WDPCP: variants seen among roughly 807,000 people sequenced by gnomAD.
WDPCP encodes WD repeat-containing and planar cell polarity effector protein fritz homolog.
Under a neutral mutation model 93.1 loss-of-function variants are expected in WDPCP, and 71 were observed. The ratio of observed to expected loss-of-function variants is 0.76; its 90% CI spans 0.63 to 0.93. WDPCP has a LOEUF of 0.93. Among genes scored for constraint, WDPCP ranks in the 40% least tolerant of loss-of-function variants. WDPCP has a pLI of 0.00. For missense variants in WDPCP, 844 were observed against 887.4 expected (o/e 0.95, Z 0.62); for synonymous variants, 315 against 315.0 (o/e 1.00, Z 0.00).
chr2:63,786,804 G>C (rs1670471817), intron 2 of WDPCP, among the ~76,000 whole-genome samples: 1 of 152,094 alleles, frequency 6.6e-6, no homozygotes, highest in Non-Finnish European at 1.5e-5. Context: ...ACTCTCAAGA[G>C]ATATAAAATT....
chr2:63,592,934 C>T (rs1709227291), upstream of WDPCP, among the ~76,000 whole-genome samples: 1 of 151,680 alleles, frequency 6.6e-6, no homozygotes, highest in South Asian at 2.1e-4. Context: ...ACCTACTCTA[C>T]TTCAAGGAAA....
chr2:63,491,873 A>T (rs1463442181), intron 2 of WDPCP, among the ~76,000 whole-genome samples: 1 of 152,070 alleles, frequency 6.6e-6, no homozygotes, highest in African/African-American at 2.4e-5. Context: ...ATTTATATTC[A>T]GGTTTTTCAT....
intron 1 of WDPCP, among the ~76,000 whole-genome samples, chr2:63,568,201 A>T (rs1707217981): frequency 6.6e-6 from 1 of 152,234 alleles, no homozygotes. Flanking sequence ...CAAACATGAG[A>T]GAGCTGGGAA....
chr2:63,120,776 C>T lies in WDPCP; in HGVS notation c.*1230G>A, dbSNP rs1669507457. ...GTCTCCATCTCCTGACCTCGTGATT[C>T]GCCCGCCTTGGCCTCCCAAAGTGCT... On this transcript the variant is annotated 3_prime_UTR_variant, in exon 18 of 18. Transcript: ENST00000272321. 6.6e-6 allele frequency among the ~76,000 whole-genome samples: 1 copy of T among 151,422 alleles called. No homozygotes were observed. Among genetic ancestry groups the T allele is most frequent in the East Asian group, 1.9e-4 (1 of 5,162 alleles).
chr2:63,137,702 T>G (rs754614305), intron 17 of WDPCP, among the ~76,000 whole-genome samples: 1 of 152,182 alleles, frequency 6.6e-6, no homozygotes, highest in African/African-American at 2.4e-5. Context: ...TACATTTAAG[T>G]CTTTAATCCA....
chr2:63,794,144 GCTCT>G (rs1326959700), intron 2 of WDPCP, among the ~76,000 whole-genome samples: 2 of 152,046 alleles, frequency 1.3e-5, no homozygotes, highest in African/African-American at 4.8e-5. Context: ...ATTCTGAATT[GCTCT>G]CTTTCATGTT....
chr2:63,342,975 A>G (rs1688950566), intron 12 of WDPCP, among the ~76,000 whole-genome samples: 1 of 151,900 alleles, frequency 6.6e-6, no homozygotes, highest in Non-Finnish European at 1.5e-5. Flanking sequence ...CATTTTTAAG[A>G]GATAATTTTG....
chr2:63,273,194 A>G (rs1195919189), intron 13 of WDPCP, among the ~76,000 whole-genome samples: 1 of 152,182 alleles, frequency 6.6e-6, no homozygotes, highest in African/African-American at 2.4e-5. Flanking sequence ...CAGATAAGCA[A>G]AAACTGAGGG....
chr2:63,658,053 A>AT (rs1022288631), intron 2 of WDPCP, among the ~76,000 whole-genome samples: 6 of 151,880 alleles, frequency 4.0e-5, no homozygotes, highest in East Asian at 1.9e-4. Context: ...TTTTAATGGC[A>AT]TTTTTTTTAG....
intron 1 of WDPCP, among the ~76,000 whole-genome samples, chr2:63,521,680 AT>A (rs1167907864): frequency 3.3e-5 from 5 of 152,212 alleles, no homozygotes; most frequent in African/African-American, 4.8e-5. Context: ...AAGGGACCTA[AT>A]AGACATCTAC....
intron 13 of WDPCP, among the ~76,000 whole-genome samples, chr2:63,277,380 G>A (rs1167225086): frequency 6.6e-6 from 1 of 152,162 alleles, no homozygotes; most frequent in Non-Finnish European, 1.5e-5. Flanking sequence ...ACAGCATGAT[G>A]AATAGAATAG....
intron 2 of WDPCP, among the ~76,000 whole-genome samples, chr2:63,700,397 T>A (rs1669030274): frequency 6.7e-6 from 1 of 149,278 alleles, no homozygotes; most frequent in South Asian, 2.1e-4. Context: ...ATGGAAAAGG[T>A]CAGATACAAG....
chr2:63,138,476 C>T (rs369448717), intron 17 of WDPCP, among the ~76,000 whole-genome samples: 49 of 138,784 alleles, frequency 3.5e-4, no homozygotes, highest in African/African-American at 9.4e-4. Context: ...TTTTTTGAGA[C>T]GGAGTCTCGC....
intron 1 of WDPCP, among the ~76,000 whole-genome samples, chr2:63,502,355 T>C (rs574359060): frequency 7.9e-5 from 12 of 152,312 alleles, no homozygotes; most frequent in Middle Eastern, 3.4e-3. Flanking sequence ...AATATAACCA[T>C]GAAAATATAC....
chr2:63,474,478 G>A (rs1025270721), intron 6 of WDPCP, among the ~76,000 whole-genome samples: 2 of 152,022 alleles, frequency 1.3e-5, no homozygotes, highest in Non-Finnish European at 2.9e-5. Context: ...TGTACACTCT[G>A]ACCAGTGATT....
chr2:63,696,990 T>G (rs1015382770), intron 2 of WDPCP, among the ~76,000 whole-genome samples: 4 of 152,236 alleles, frequency 2.6e-5, no homozygotes, highest in Admixed American at 2.6e-4. Flanking sequence ...TGTTGCAGTA[T>G]TATTTATAAT....
intron 10 of WDPCP, among the ~76,000 whole-genome samples, chr2:63,393,255 A>C (rs1298446598): frequency 6.6e-6 from 1 of 152,130 alleles, no homozygotes; most frequent in Non-Finnish European, 1.5e-5. Flanking sequence ...TGAAGCTGGA[A>C]ACCATCATTC....
At chr2:63,370,567 A>T (rs904756127) in intron 12 of WDPCP, among the ~76,000 whole-genome samples, 1 of 150,988 alleles carries the variant, frequency 6.6e-6, no homozygotes, top group Non-Finnish European at 1.5e-5. Flanking sequence ...AAAAAGGACT[A>T]AAAAAAAACA....
At chr2:63,375,954 G>A (rs975015293) in intron 12 of WDPCP, among the ~76,000 whole-genome samples, 1 of 151,606 alleles carries the variant, frequency 6.6e-6, no homozygotes, top group African/African-American at 2.4e-5. Context: ...TACTGTTTAG[G>A]GATATTCCAT....
Sources: allele counts gnomAD v4.1 joint callset (sites outside exome capture counted in the v4.1 genomes callset), GRCh38; gene constraint gnomAD v4.1.1; transcripts MANE v1.5; gene names NCBI Gene and HGNC (gene_info 2026-07-23, HGNC 2026-07-21).